PLD5: variants seen among roughly 807,000 people sequenced by gnomAD.
PLD5 encodes phospholipase D family member 5.
Under a neutral mutation model 61.1 loss-of-function variants are expected in PLD5, and 36 were observed. The ratio of observed to expected loss-of-function variants is 0.59; its 90% CI spans 0.45 to 0.78. The LOEUF (loss-of-function observed/expected upper bound fraction) is 0.78. PLD5 is among the 30% of genes least tolerant of loss of function. The pLI, the probability that PLD5 is intolerant of heterozygous loss-of-function variation, is 0.00. For missense variants in PLD5, 515 were observed against 644.4 expected, an observed-to-expected ratio of 0.80 and a Z score of 2.17; for synonymous variants, 243 against 242.8, an observed-to-expected ratio of 1.00 and a Z score of -0.01.
chr1:242,183,185 T>C (rs999014000), intron 5 of PLD5, among the ~76,000 whole-genome samples: 1 of 152,182 alleles, frequency 6.6e-6, no homozygotes, highest in Non-Finnish European at 1.5e-5. Flanking sequence ...CTAGAGCAAA[T>C]ATATATCTTT....
chr1:242,282,129 G>A (rs1674749469), intron 3 of PLD5, among the ~76,000 whole-genome samples: 3 of 152,030 alleles, frequency 2.0e-5, no homozygotes, highest in Admixed American at 6.6e-5. Context: ...CAATATTCAC[G>A]ATCATAACAA....
At chr1:242,339,383 T>C (rs1280255168) in intron 2 of PLD5, among the ~76,000 whole-genome samples, 2 of 152,158 alleles carry the variant, frequency 1.3e-5, no homozygotes, top group East Asian at 1.9e-4. Flanking sequence ...ATTACAGGAA[T>C]GGACTTTTAT....
chr1:242,484,759 A>C (rs1667900431), intron 1 of PLD5, among the ~76,000 whole-genome samples: 1 of 152,222 alleles, frequency 6.6e-6, no homozygotes, highest in African/African-American at 2.4e-5. Flanking sequence ...ACAGCAAAAA[A>C]AGAGAATTTT....
At chr1:242,204,120 G>T (rs533787092) in intron 5 of PLD5, among the ~76,000 whole-genome samples, 1 of 151,764 alleles carries the variant, frequency 6.6e-6, no homozygotes, top group Non-Finnish European at 1.5e-5. Flanking sequence ...GCGGGCGCCT[G>T]TAGTCCCAGC....
intron 1 of PLD5, among the ~76,000 whole-genome samples, chr1:242,472,623 G>T (rs541757450): frequency 6.6e-6 from 1 of 152,306 alleles, no homozygotes; most frequent in South Asian, 2.1e-4. Context: ...TTATGAACTG[G>T]TGTAGTCTGT....
At chr1:242,477,511 G>A (rs111366364) in intron 1 of PLD5, among the ~76,000 whole-genome samples, 2,861 of 152,272 alleles carry the variant, frequency 0.019, 90 homozygotes, top group African/African-American at 0.064. Flanking sequence ...CACATTATGC[G>A]CCAATGTTGG....
In PLD5 at chr1:242,117,775, A is replaced by G. The variant is rs188258303; in HGVS notation, c.934-3749T>C. The stretch of plus-strand genomic sequence containing the variant: ...TTTGCTTTTTTCTTTTTTTACCATC[A>G]TAACCATTTTTAAGTGTACAGTTCA... On this transcript the variant is annotated intron_variant, in intron 6 of 9. Coordinates refer to ENST00000536534, the MANE Select transcript of PLD5 (RefSeq NM_001372062.1). Among the ~76,000 whole-genome samples the G allele has an allele frequency of 2.7e-3, 411 of 152,182 alleles. 11 individuals are homozygous for G. The highest frequency in any genetic ancestry group is 0.025 in the Admixed American group (388 of 15,274).
intron 5 of PLD5, among the ~76,000 whole-genome samples, chr1:242,173,485 T>A (rs1218301091): frequency 6.6e-6 from 1 of 152,096 alleles, no homozygotes; most frequent in Non-Finnish European, 1.5e-5. Context: ...CCAAGGTAAT[T>A]TATAGATTCA....
intron 2 of PLD5, among the ~76,000 whole-genome samples, chr1:242,295,211 G>C (rs925637113): frequency 7.9e-5 from 12 of 152,018 alleles, no homozygotes; most frequent in African/African-American, 2.9e-4. Flanking sequence ...GCTGGGGTTC[G>C]GGCTTCTAGT....
chr1:242,421,974 T>C (rs1665169370), intron 1 of PLD5, among the ~76,000 whole-genome samples: 1 of 152,246 alleles, frequency 6.6e-6, no homozygotes, highest in Admixed American at 6.5e-5. Context: ...CAAAATAAAA[T>C]TCAAATGAAG....
At chr1:242,337,705 T>A (rs1219472078) in intron 2 of PLD5, among the ~76,000 whole-genome samples, 3 of 152,162 alleles carry the variant, frequency 2.0e-5, no homozygotes, top group Admixed American at 1.3e-4. Context: ...TACACATGAA[T>A]TATCTTATTT....
rs143109828 is a variant in PLD5 at position 242,316,063 on chromosome 1, G to A, written c.327-27533C>T. The stretch of plus-strand genomic sequence containing the variant: ...TTAAGTCCTCTATACCTGTTTCCTC[G>A]TGTGGAAAAAGGAGGGGAAATTGTA... On this transcript the variant is annotated intron_variant, in intron 2 of 9. Coordinates refer to ENST00000536534, the MANE Select transcript of PLD5 (RefSeq NM_001372062.1). Among the ~76,000 whole-genome samples the A allele has an allele frequency of 7.0e-3, 1,058 of 152,212 alleles. 17 individuals are homozygous for A. The highest frequency in any genetic ancestry group is 0.023 in the African/African-American group (967 of 41,528).
At chr1:242,197,397 C>A (rs1668699874) in intron 5 of PLD5, among the ~76,000 whole-genome samples, 2 of 152,166 alleles carry the variant, frequency 1.3e-5, no homozygotes, top group South Asian at 4.1e-4. Context: ...GACACCCAAG[C>A]CCCACAATGT....
intron 5 of PLD5, among the ~76,000 whole-genome samples, chr1:242,174,186 T>G (rs1666961428): frequency 6.7e-6 from 1 of 148,916 alleles, no homozygotes; most frequent in South Asian, 2.2e-4. Context: ...TACAAAGAAC[T>G]CAGACAAATT....
At chr1:242,304,967 A>G (rs1308347052) in intron 2 of PLD5, among the ~76,000 whole-genome samples, 14 of 152,150 alleles carry the variant, frequency 9.2e-5, no homozygotes, top group Non-Finnish European at 1.6e-4. Context: ...TTAGCTGGGC[A>G]TGGTGGAGCA....
intron 1 of PLD5, among the ~76,000 whole-genome samples, chr1:242,373,861 T>C (rs560944792): frequency 2.0e-5 from 3 of 151,964 alleles, no homozygotes; most frequent in South Asian, 4.2e-4. Flanking sequence ...ATAGGAGATA[T>C]AATGTAAATG....
intron 6 of PLD5, among the ~76,000 whole-genome samples, chr1:242,120,205 T>A (rs1662256261): frequency 6.6e-6 from 1 of 152,082 alleles, no homozygotes; most frequent in Non-Finnish European, 1.5e-5. Context: ...AGTATGGGGT[T>A]TTTTCTTTGT....
At chr1:242,287,982 A>G (rs1186082521) in intron 3 of PLD5, among the ~76,000 whole-genome samples, 1 of 152,218 alleles carries the variant, frequency 6.6e-6, no homozygotes, top group Non-Finnish European at 1.5e-5. Flanking sequence ...AACCAAATAA[A>G]TGCCTCAGCG....
At chr1:242,333,157 C>A (rs1455760831) in intron 2 of PLD5, among the ~76,000 whole-genome samples, 1 of 152,164 alleles carries the variant, frequency 6.6e-6, no homozygotes, top group African/African-American at 2.4e-5. Context: ...AAAGATGGAG[C>A]TGTTCAGGCA....
Sources: allele counts gnomAD v4.1 joint callset (sites outside exome capture counted in the v4.1 genomes callset), GRCh38; gene constraint gnomAD v4.1.1; transcripts MANE v1.5; gene names NCBI Gene and HGNC (gene_info 2026-07-23, HGNC 2026-07-21).